MKLN1: variants seen among roughly 807,000 people sequenced by gnomAD.
MKLN1 encodes the protein muskelin.
A neutral mutation model predicts 99.0 loss-of-function variants in MKLN1; 18 were observed. The observed-to-expected ratio is 0.18, with a 90% CI of 0.13 to 0.27. MKLN1 has a LOEUF of 0.27. Ranked by LOEUF, MKLN1 falls within the 10% of genes least tolerant of loss-of-function variation. The probability of loss-of-function intolerance (pLI) is 1.00; values close to 1 mark genes in which losing one functional copy is unlikely to be tolerated. For synonymous variants in MKLN1, 288 were observed against 293.2 expected (o/e 0.98, Z 0.18); for missense variants, 621 against 875.9 (o/e 0.71, Z 3.67).
At chr7:131,129,468 C>A (rs1795515889) in intron 1 of MKLN1, among the ~76,000 whole-genome samples, 1 of 152,042 alleles carries the variant, frequency 6.6e-6, no homozygotes, top group African/African-American at 2.4e-5. Flanking sequence ...TAACAAATGT[C>A]CAAAAAGAAT....
chr7:131,215,330 G>A (rs184605789), intron 3 of MKLN1, among the ~76,000 whole-genome samples: 4 of 152,344 alleles, frequency 2.6e-5, no homozygotes, highest in South Asian at 2.1e-4. Context: ...TTACAGGCGT[G>A]AGCCTCTGTG....
At chr7:131,282,229 A>G (rs1489158890) in intron 3 of MKLN1, among the ~76,000 whole-genome samples, 1 of 151,832 alleles carries the variant, frequency 6.6e-6, no homozygotes, top group Non-Finnish European at 1.5e-5. Flanking sequence ...CATGCCTGTA[A>G]TCCCAGCTAC....
intron 3 of MKLN1, among the ~76,000 whole-genome samples, chr7:131,244,396 G>A (rs187101890): frequency 1.3e-3 from 197 of 152,154 alleles, no homozygotes; most frequent in Non-Finnish European, 1.6e-3. Context: ...CCATTTGAAC[G>A]TTTCAGCAGG....
At chr7:131,193,001 C>T (rs990653391) in intron 2 of MKLN1, among the ~76,000 whole-genome samples, 1 of 151,994 alleles carries the variant, frequency 6.6e-6, no homozygotes, top group African/African-American at 2.4e-5. Context: ...GTGTAACAAG[C>T]ATAGAATTAA....
Position 131,232,162 on chromosome 7 carries a change from C to T in MKLN1, c.-179+29188C>T, listed in dbSNP as rs750366381. Among the ~76,000 whole-genome samples the T allele has an allele frequency of 5.3e-5, 8 of 152,110 alleles. No homozygotes were observed. In the East Asian group the frequency reaches 5.8e-4, roughly 11 times the overall value. ...CAGCATTTAAAAAATATTAAAAACA[C>T]GTTCTGAAATTGACTTATTGAAGAA... is the stretch of plus-strand genomic sequence containing the variant. On this transcript the variant is annotated intron_variant, in intron 3 of 7. Transcript: ENST00000416992.
rs1255426916 is a variant in MKLN1 at position 131,491,993 on chromosome 7, A to G, written c.*4265A>G. On this transcript the variant is annotated 3_prime_UTR_variant, in exon 18 of 18. Transcript: ENST00000352689. ...TTATGACAAGAGAATAATGAAATTCATAAGAAATTAATAACATTCAGATAT... is the reference window on the plus strand; with the variant it reads ...TTATGACAAGAGAATAATGAAATTCGTAAGAAATTAATAACATTCAGATAT... The G allele has an allele frequency of 1.3e-5, 2 of 152,334 alleles. No homozygotes were observed. Among genetic ancestry groups the G allele is most frequent in the South Asian group, 2.1e-4 (1 of 4,838 alleles). The allele number at this position is 152,334 out of a possible 1,614,324, so 9.4% of individuals were successfully genotyped here. A position where few individuals can be genotyped will look rare whatever the true frequency, so the allele number is the denominator to read the frequency against.
At chr7:131,156,953 C>A (rs983581333) in intron 2 of MKLN1, among the ~76,000 whole-genome samples, 1 of 152,132 alleles carries the variant, frequency 6.6e-6, no homozygotes, top group African/African-American at 2.4e-5. Flanking sequence ...AGATTTGAAC[C>A]TAGGCAGTCA....
At chr7:131,194,261 C>G (rs747055645) in intron 2 of MKLN1, among the ~76,000 whole-genome samples, 1 of 152,138 alleles carries the variant, frequency 6.6e-6, no homozygotes, top group Admixed American at 6.5e-5. Context: ...AAAGGAAACC[C>G]CATGTCCATT....
chr7:131,240,222 T>A (rs529404663), intron 3 of MKLN1, among the ~76,000 whole-genome samples: 7 of 152,074 alleles, frequency 4.6e-5, no homozygotes, highest in South Asian at 2.1e-4. Context: ...ATAAGTAAAG[T>A]TCCCCCCCGC....
chr7:131,344,919 G>A (rs562634175), intron 1 of MKLN1, among the ~76,000 whole-genome samples: 10 of 151,752 alleles, frequency 6.6e-5, no homozygotes, highest in Admixed American at 1.3e-4. Context: ...CTCCTGCCTC[G>A]GCCTCCCGAG....
intron 2 of MKLN1, among the ~76,000 whole-genome samples, chr7:131,148,978 ATC>A (rs1365901920): frequency 2.6e-5 from 4 of 152,190 alleles, no homozygotes; most frequent in African/African-American, 9.7e-5. Flanking sequence ...TAAAATGGCC[ATC>A]TCTCAGAATT....
intron 3 of MKLN1, among the ~76,000 whole-genome samples, chr7:131,223,350 G>A (rs550359658): frequency 2.5e-4 from 38 of 152,334 alleles, no homozygotes; most frequent in Admixed American, 2.5e-3. Flanking sequence ...CGTAGCCATA[G>A]CTCGGAACAT....
intron 16 of MKLN1, among the ~76,000 whole-genome samples, chr7:131,474,636 C>T (rs550464782): frequency 3.4e-4 from 52 of 152,096 alleles, no homozygotes; most frequent in Non-Finnish European, 5.6e-4. Flanking sequence ...AAATTCAACC[C>T]CAAATAAGTA....
intron 3 of MKLN1, among the ~76,000 whole-genome samples, chr7:131,237,110 G>A (rs1797334042): frequency 1.3e-5 from 2 of 152,128 alleles, no homozygotes; most frequent in South Asian, 4.1e-4. Context: ...TTTTCTTGAT[G>A]ACTGAGTATG....
intron 3 of MKLN1, among the ~76,000 whole-genome samples, chr7:131,219,012 T>C (rs1401822145): frequency 6.6e-6 from 1 of 152,044 alleles, no homozygotes; most frequent in South Asian, 2.1e-4. Flanking sequence ...GGTCAATTCT[T>C]AGGAACAGAA....
intron 12 of MKLN1, among the ~76,000 whole-genome samples, chr7:131,458,125 A>C (rs1796405369): frequency 6.6e-6 from 1 of 152,180 alleles, no homozygotes; most frequent in African/African-American, 2.4e-5. Flanking sequence ...AAAGCAGATG[A>C]CCTGTAAGGG....
chr7:131,467,767 G>GT (rs1796701440), intron 15 of MKLN1, among the ~76,000 whole-genome samples: 1 of 152,188 alleles, frequency 6.6e-6, no homozygotes, highest in Non-Finnish European at 1.5e-5. Flanking sequence ...ATTCAGGCTT[G>GT]TATTTTATAA....
At chr7:131,354,449 C>T (rs1048149523) in intron 1 of MKLN1, among the ~76,000 whole-genome samples, 28 of 148,534 alleles carry the variant, frequency 1.9e-4, no homozygotes, top group Admixed American at 1.5e-3. Flanking sequence ...TATAGAAATG[C>T]ATTTGATTGT....
intron 3 of MKLN1, among the ~76,000 whole-genome samples, chr7:131,204,499 C>T (rs1796776435): frequency 6.6e-6 from 1 of 152,134 alleles, no homozygotes; most frequent in Non-Finnish European, 1.5e-5. Context: ...TCCAATAGAA[C>T]ATCAACAAAA....
Sources: allele counts gnomAD v4.1 joint callset (sites outside exome capture counted in the v4.1 genomes callset), GRCh38; gene constraint gnomAD v4.1.1; transcripts MANE v1.5; gene names NCBI Gene and HGNC (gene_info 2026-07-23, HGNC 2026-07-21).